Variants in MAGI2 observed in about 807,000 individuals in gnomAD.
The protein encoded by MAGI2 is membrane associated guanylate kinase, WW and PDZ domain containing 2, also known as membrane-associated guanylate kinase, WW and PDZ domain-containing protein 2.
A neutral mutation model predicts 133.3 loss-of-function variants in MAGI2; 35 were observed. The ratio of observed to expected loss-of-function variants is 0.26; its 90% confidence interval spans 0.20 to 0.35. The LOEUF (loss-of-function observed/expected upper bound fraction) is 0.35. MAGI2 is among the 10% of genes least tolerant of loss of function. The probability of loss-of-function intolerance (pLI) is 1.00; values close to 1 mark genes in which losing one functional copy is unlikely to be tolerated. For missense variants in MAGI2, 1,636 were observed against 1,863.4 expected, an observed-to-expected ratio of 0.88 and a Z score of 2.25; for synonymous variants, 729 against 710.6, an observed-to-expected ratio of 1.03 and a Z score of -0.41.
At chr7:78,792,873 T>C (rs749661138) in intron 2 of MAGI2, among the ~76,000 whole-genome samples, 3 of 152,226 alleles carry the variant, frequency 2.0e-5, no homozygotes, top group Non-Finnish European at 4.4e-5. Flanking sequence ...TTTACATTCT[T>C]ACTAAGAAAA....
chr7:78,157,380 C>T (rs1378709215), intron 16 of MAGI2, among the ~76,000 whole-genome samples: 2 of 152,092 alleles, frequency 1.3e-5, no homozygotes, highest in African/African-American at 4.8e-5. Flanking sequence ...CAGTCTGATG[C>T]CATTTGGTAG....
At chr7:78,620,696 T>G (rs1807638894) in intron 3 of MAGI2, among the ~76,000 whole-genome samples, 1 of 152,028 alleles carries the variant, frequency 6.6e-6, no homozygotes, top group Non-Finnish European at 1.5e-5. Context: ...GTCAGATGCC[T>G]AAATAACTTG....
chr7:78,144,239 A>G lies in MAGI2; in HGVS notation c.2846-9033T>C, dbSNP rs564847685. 7.2e-5 allele frequency among the ~76,000 whole-genome samples: 11 copies of G among 152,242 alleles called. No homozygotes were observed. In the South Asian group the frequency reaches 1.4e-3, roughly 20 times the overall value. On this transcript the variant is annotated intron_variant, in intron 16 of 21. Coordinates refer to ENST00000354212, the MANE Select transcript of MAGI2 (RefSeq NM_012301.4). ...TTGCCCTAACTCTCCCATCCTCTCT[A>G]GTTCTGTGACCCAAATGCAAACATT...
At chr7:78,623,116 A>G (rs1807921121) in intron 3 of MAGI2, among the ~76,000 whole-genome samples, 1 of 152,118 alleles carries the variant, frequency 6.6e-6, no homozygotes, top group Admixed American at 6.6e-5. Context: ...AAATGTCATG[A>G]CATCTAGTGT....
At chr7:78,109,856 G>A (rs1819181842) in intron 20 of MAGI2, among the ~76,000 whole-genome samples, 1 of 152,156 alleles carries the variant, frequency 6.6e-6, no homozygotes, top group Non-Finnish European at 1.5e-5. Flanking sequence ...GGTCTGTATT[G>A]TGGCAGTGGC....
At chr7:79,035,170 G>C (rs10485927) in intron 1 of MAGI2, among the ~76,000 whole-genome samples, 1 of 142,570 alleles carries the variant, frequency 7.0e-6, no homozygotes, top group African/African-American at 2.6e-5. Context: ...TTTTGAATCA[G>C]TGCATTCCCA....
At chr7:78,466,128 A>G (rs1320119074) in intron 6 of MAGI2, among the ~76,000 whole-genome samples, 1 of 152,122 alleles carries the variant, frequency 6.6e-6, no homozygotes, top group Non-Finnish European at 1.5e-5. Context: ...TTTGCCCTCA[A>G]TTTGCATGAA....
At chr7:79,443,780 T>C (rs1848654202) in intron 1 of MAGI2, among the ~76,000 whole-genome samples, 1 of 152,220 alleles carries the variant, frequency 6.6e-6, no homozygotes, top group African/African-American at 2.4e-5. Context: ...AATTGGGAAA[T>C]TTACTTTTTA....
intron 20 of MAGI2, among the ~76,000 whole-genome samples, chr7:78,085,702 T>C (rs1816569099): frequency 6.6e-6 from 1 of 152,070 alleles, no homozygotes; most frequent in Non-Finnish European, 1.5e-5. Flanking sequence ...ATCAAGGTTC[T>C]GCCTAAGCAC....
chr7:79,274,805 TA>T (rs1415730881), intron 1 of MAGI2, among the ~76,000 whole-genome samples: 1 of 152,174 alleles, frequency 6.6e-6, no homozygotes, highest in East Asian at 1.9e-4. Context: ...CGTCACATTT[TA>T]GTAATTCTCA....
chr7:79,032,416 G>A (rs752129066), intron 1 of MAGI2, among the ~76,000 whole-genome samples: 1 of 151,670 alleles, frequency 6.6e-6, no homozygotes, highest in African/African-American at 2.4e-5. Flanking sequence ...TACTTGGGAG[G>A]CTGAGGCAGG....
chr7:78,036,037 G>A (rs114600335), intron 21 of MAGI2, among the ~76,000 whole-genome samples: 1,517 of 132,476 alleles, frequency 0.011, 28 homozygotes, highest in African/African-American at 0.038. Context: ...GCAAATGCAC[G>A]TTTGTGTGTG....
chr7:78,424,555 C>A (rs1009636979), intron 6 of MAGI2, among the ~76,000 whole-genome samples: 1 of 152,086 alleles, frequency 6.6e-6, no homozygotes, highest in Admixed American at 6.5e-5. Context: ...AAAACTTGCA[C>A]CGTGTGCCTG....
chr7:78,677,787 G>C (rs1230356932), intron 2 of MAGI2, among the ~76,000 whole-genome samples: 1 of 152,106 alleles, frequency 6.6e-6, no homozygotes, highest in African/African-American at 2.4e-5. Context: ...GGCGTCCAGT[G>C]ATATTAAATG....
chr7:78,857,895 G>T (rs186311746), intron 2 of MAGI2, among the ~76,000 whole-genome samples: 5 of 151,990 alleles, frequency 3.3e-5, no homozygotes, highest in Non-Finnish European at 7.4e-5. Flanking sequence ...GATTTTTTTT[G>T]TTGGTAGGCC....
At chr7:78,442,470 T>C (rs1787726065) in intron 6 of MAGI2, among the ~76,000 whole-genome samples, 1 of 152,186 alleles carries the variant, frequency 6.6e-6, no homozygotes, top group Non-Finnish European at 1.5e-5. Flanking sequence ...AAATGGTGAA[T>C]CAATAATTCT....
intron 18 of MAGI2, among the ~76,000 whole-genome samples, chr7:78,129,997 T>C (rs973064738): frequency 6.7e-6 from 1 of 148,504 alleles, no homozygotes; most frequent in Non-Finnish European, 1.5e-5. Flanking sequence ...GAGTTCAAAG[T>C]CTGTGAAAGA....
chr7:79,149,777 T>C (rs1284716674), intron 1 of MAGI2, among the ~76,000 whole-genome samples: 1 of 152,130 alleles, frequency 6.6e-6, no homozygotes, highest in Non-Finnish European at 1.5e-5. Flanking sequence ...GGACACAAGG[T>C]TTCTTTTAAA....
intron 4 of MAGI2, among the ~76,000 whole-genome samples, chr7:78,510,368 A>G (rs932162410): frequency 6.6e-6 from 1 of 152,212 alleles, no homozygotes. Context: ...AGACTTATCT[A>G]TAAAGTGCTT....
Sources: allele counts gnomAD v4.1 joint callset (sites outside exome capture counted in the v4.1 genomes callset), GRCh38; gene constraint gnomAD v4.1.1; transcripts MANE v1.5; gene names NCBI Gene and HGNC (gene_info 2026-07-23, HGNC 2026-07-21).